Variants in CACNA1C observed in about 807,000 individuals in gnomAD.
The protein encoded by CACNA1C is calcium voltage-gated channel subunit alpha1 C.
CACNA1C carries 30 observed loss-of-function variants against 229.0 expected under a neutral mutation model. The ratio of observed to expected loss-of-function variants is 0.13; its 90% CI spans 0.10 to 0.18. The LOEUF is 0.18. Among genes scored for constraint, CACNA1C ranks in the 10% least tolerant of loss-of-function variants. The probability of loss-of-function intolerance (pLI) is 1.00; values close to 1 mark genes in which losing one functional copy is unlikely to be tolerated. For missense variants in CACNA1C, 1,658 were observed against 2,845.0 expected (o/e 0.58, Z 9.49); for synonymous variants, 1,114 against 1,132.5 (o/e 0.98, Z 0.33).
In CACNA1C at chr12:2,672,996, A is replaced by G. The variant is rs536339538; in HGVS notation, c.4727-1545A>G. Among the ~76,000 whole-genome samples, 61 of 152,216 alleles carry G rather than the reference A, an allele frequency of 4.0e-4. No individual in the cohort carries two copies. The South Asian group carries it at 5.0e-3, about 12-fold the overall frequency. ...ATTTGGGGAGCTCGGGATTCCGTCA[A>G]TCCCTCTACTGCCACCTCTGCATGC... On this transcript the variant is annotated intron_variant, in intron 38 of 46. Transcript: ENST00000399655.
At chr12:1,972,779 C>T (rs1375608108) in intron 1 of CACNA1C, among the ~76,000 whole-genome samples, 1 of 145,880 alleles carries the variant, frequency 6.9e-6, no homozygotes, top group East Asian at 2.0e-4. Context: ...TATGGACTCT[C>T]AAAAGGAAAA....
At chr12:2,195,937 C>T (rs578179299) in intron 3 of CACNA1C, among the ~76,000 whole-genome samples, 4 of 152,254 alleles carry the variant, frequency 2.6e-5, no homozygotes, top group East Asian at 3.9e-4. Flanking sequence ...CCACGTGGTC[C>T]GAGCTCCTGG....
At chr12:2,468,866 A>G (rs1306718210) in intron 5 of CACNA1C, among the ~76,000 whole-genome samples, 1 of 152,234 alleles carries the variant, frequency 6.6e-6, no homozygotes, top group East Asian at 1.9e-4. Context: ...ATGGGAGGGT[A>G]CAACTGTATT....
intron 1 of CACNA1C, among the ~76,000 whole-genome samples, chr12:2,056,431 C>G (rs1480570871): frequency 6.6e-6 from 1 of 152,166 alleles, no homozygotes; most frequent in African/African-American, 2.4e-5. Context: ...CAGGCTCCAG[C>G]TAGCAAATGA....
At chr12:2,038,613 A>G (rs1263975489) in intron 1 of CACNA1C, among the ~76,000 whole-genome samples, 1 of 152,224 alleles carries the variant, frequency 6.6e-6, no homozygotes, top group Non-Finnish European at 1.5e-5. Flanking sequence ...AAGAAACATA[A>G]AAGAAGAGAA....
intron 3 of CACNA1C, among the ~76,000 whole-genome samples, chr12:2,258,323 G>C (rs1193108349): frequency 6.6e-6 from 1 of 152,026 alleles, no homozygotes; most frequent in African/African-American, 2.4e-5. Context: ...CAGCATTTGT[G>C]ATTAGTCAGA....
chr12:2,681,994 A>G, intron 42 of CACNA1C: 1 of 1,611,966 alleles, frequency 6.2e-7, no homozygotes. Context: ...CTCAGGAGGG[A>G]TTCAGGCTCA....
rs551267099 is a variant in CACNA1C at position 2,289,510 on chromosome 12, G to A, written c.478-159466G>A. On this transcript the variant is annotated intron_variant, in intron 3 of 46. Coordinates refer to ENST00000399655, the MANE Select transcript of CACNA1C (RefSeq NM_000719.7). ...AATGTGTGCTTGCTGCCTGGTCTCC[G>A]GTATAGTCAGGAAATCAGATTTGTA... 5.3e-5 allele frequency among the ~76,000 whole-genome samples: 8 copies of A among 152,144 alleles called. No individual in the cohort carries two copies. The East Asian group carries it at 1.4e-3, about 26-fold the overall frequency.
Position 2,652,531 on chromosome 12 carries a change from G to A in CACNA1C, c.4074+763G>A, listed in dbSNP as rs115514302. On this transcript the variant is annotated intron_variant, in intron 32 of 46. Coordinates refer to ENST00000399655, the MANE Select transcript of CACNA1C (RefSeq NM_000719.7). The stretch of plus-strand genomic sequence containing the variant: ...GCTTCTCTCCCCCCATGGAGGGGCC[G>A]CTCTCAGCCTTTCCAAGACGAGAAT... Among the ~76,000 whole-genome samples, 754 of 152,344 alleles carry A rather than the reference G, an allele frequency of 4.9e-3. 3 individuals are homozygous for A. The highest frequency in any genetic ancestry group is 0.017 in the African/African-American group (691 of 41,574).
At position 2,674,656 on chromosome 12, in the gene CACNA1C, G is replaced by A; in HGVS notation, c.4828+14G>A. The A allele has an allele frequency of 6.4e-7, 1 of 1,550,746 alleles. No individual in the cohort carries two copies. The highest frequency in any genetic ancestry group is 8.7e-7 in the Non-Finnish European group (1 of 1,146,338). On this transcript the variant is annotated intron_variant, in intron 39 of 46. Transcript: ENST00000399655. ...CCCCTGCAGGTGGTGAGTGCTCCCT[G>A]GACTCCCGCACCTTGGCCACTGCCT...
At chr12:2,616,417 C>T (rs992302127) in intron 29 of CACNA1C, among the ~76,000 whole-genome samples, 8 of 152,240 alleles carry the variant, frequency 5.3e-5, no homozygotes, top group African/African-American at 1.7e-4. Flanking sequence ...GTTAGACAGT[C>T]TCTCGCCCTG....
chr12:2,076,609 TGAAAAGGCA>T (rs1243783842), intron 1 of CACNA1C, among the ~76,000 whole-genome samples: 1 of 152,148 alleles, frequency 6.6e-6, no homozygotes, highest in Admixed American at 6.5e-5. Context: ...CCAAGGGATG[TGAAAAGGCA>T]ACAGAGATGG....
chr12:2,154,359 C>T (rs568121679), intron 3 of CACNA1C, among the ~76,000 whole-genome samples: 2 of 152,352 alleles, frequency 1.3e-5, no homozygotes, highest in East Asian at 3.9e-4. Flanking sequence ...ATCAAAAGGA[C>T]ACCACCTCCA....
intron 3 of CACNA1C, among the ~76,000 whole-genome samples, chr12:2,220,096 C>T (rs1469305334): frequency 6.6e-6 from 1 of 152,204 alleles, no homozygotes; most frequent in Non-Finnish European, 1.5e-5. Context: ...CAGGGACCAG[C>T]ATCTGGGCTC....
At chr12:2,122,374 G>C (rs1445822604) in intron 3 of CACNA1C, among the ~76,000 whole-genome samples, 1 of 152,140 alleles carries the variant, frequency 6.6e-6, no homozygotes, top group Non-Finnish European at 1.5e-5. Context: ...ATTCCACAAT[G>C]TCGCACTTCC....
At chr12:2,604,082 C>G (rs1568717435) in intron 22 of CACNA1C, among the ~76,000 whole-genome samples, 1 of 152,194 alleles carries the variant, frequency 6.6e-6, no homozygotes, top group African/African-American at 2.4e-5. Context: ...TCTACACTCC[C>G]ACATGGTGGA....
chr12:2,382,794 A>T (rs2098280597), intron 3 of CACNA1C, among the ~76,000 whole-genome samples: 1 of 152,294 alleles, frequency 6.6e-6, no homozygotes, highest in South Asian at 2.1e-4. Flanking sequence ...ATTTGAAAGG[A>T]ACTTGCATCG....
At chr12:2,533,728 C>G (rs2099846447) in intron 9 of CACNA1C, among the ~76,000 whole-genome samples, 1 of 152,176 alleles carries the variant, frequency 6.6e-6, no homozygotes, top group South Asian at 2.1e-4. Flanking sequence ...GAGCACATGT[C>G]AAAAGCGCCA....
At chr12:2,201,253 C>T (rs2097572483) in intron 3 of CACNA1C, among the ~76,000 whole-genome samples, 1 of 152,144 alleles carries the variant, frequency 6.6e-6, no homozygotes, top group Non-Finnish European at 1.5e-5. Flanking sequence ...GGGGGACCTT[C>T]CCCGCAACTT....
Sources: gnomAD v4.1 joint callset for allele counts (sites outside exome capture counted in the v4.1 genomes callset) on GRCh38, gnomAD v4.1.1 for gene constraint, MANE v1.5 for transcripts, NCBI Gene and HGNC (gene_info 2026-07-23, HGNC 2026-07-21) for gene names.